Variants in CLASP2 observed in about 807,000 individuals in gnomAD.
The protein encoded by CLASP2 is cytoplasmic linker associated protein 2.
Under a neutral mutation model 194.4 loss-of-function variants are expected in CLASP2, and 47 were observed. That is an observed-to-expected ratio of 0.24 (90% CI 0.19 to 0.31). The LOEUF is 0.31. CLASP2 is among the 10% of genes least tolerant of loss of function. The pLI, the probability that CLASP2 is intolerant of heterozygous loss-of-function variation, is 1.00. For synonymous variants in CLASP2, 619 were observed against 633.5 expected (o/e 0.98, Z 0.34); for missense variants, 1,445 against 1,823.6 (o/e 0.79, Z 3.78).
At chr3:33,525,465 C>A (rs1251424660) in intron 34 of CLASP2, among the ~76,000 whole-genome samples, 1 of 152,008 alleles carries the variant, frequency 6.6e-6, no homozygotes, top group South Asian at 2.1e-4. Flanking sequence ...CCACAGAGAA[C>A]AAAGAAAAGT....
chr3:33,647,149 A>T (rs2082407076), intron 7 of CLASP2, among the ~76,000 whole-genome samples: 1 of 152,202 alleles, frequency 6.6e-6, no homozygotes, highest in African/African-American at 2.4e-5. Flanking sequence ...ACAAAGTCAA[A>T]GGTTTCTAAA....
intron 21 of CLASP2, 117 bp downstream of exon 21, chr3:33,592,274 GTCTT>G (rs2068971793): frequency 1.3e-6 from 1 of 769,576 alleles, no homozygotes; most frequent in Admixed American, 2.0e-5. Context: ...TATGTGGCTT[GTCTT>G]TTTTTAAATT....
intron 13 of CLASP2, among the ~76,000 whole-genome samples, chr3:33,610,728 T>C (rs2074993432): frequency 6.6e-6 from 1 of 152,136 alleles, no homozygotes; most frequent in African/African-American, 2.4e-5. Context: ...AAAACCCCCT[T>C]AGCATGTGTA....
chr3:33,621,459 C>G (rs2077093619), intron 11 of CLASP2, among the ~76,000 whole-genome samples: 1 of 152,106 alleles, frequency 6.6e-6, no homozygotes, highest in South Asian at 2.1e-4. Context: ...AATAATTTAT[C>G]TGTAGATTCT....
At chr3:33,619,794 A>C in intron 11 of CLASP2, 56 bp from the exon 12 acceptor site, 1 of 1,350,068 alleles carries the variant, frequency 7.4e-7, no homozygotes, top group Non-Finnish European at 9.8e-7. Flanking sequence ...TATAGATAGA[A>C]CCATATAATT....
chr3:33,680,345 A>G (rs2089597881), intron 6 of CLASP2, among the ~76,000 whole-genome samples: 1 of 152,206 alleles, frequency 6.6e-6, no homozygotes, highest in Non-Finnish European at 1.5e-5. Context: ...AGTGCAAACT[A>G]TAATCTTTGG....
chr3:33,645,975 C>A lies in CLASP2; in HGVS notation c.716-1072G>T, dbSNP rs190953559. Among the ~76,000 whole-genome samples, 481 of 136,706 alleles carry A rather than the reference C, an allele frequency of 3.5e-3. 3 individuals carry two copies. Among genetic ancestry groups the A allele is most frequent in the African/African-American group, 0.011 (407 of 36,764 alleles). The allele number at this position is 136,706 out of a possible 152,430, so 89.7% of individuals were successfully genotyped here. The stretch of plus-strand genomic sequence containing the variant: ...ACACACACACACACACACACACACA[C>A]AATGTATTTTACTCTCCTGAGAAGA... On this transcript the variant is annotated intron_variant, in intron 7 of 38. Coordinates refer to ENST00000682230, the MANE Select transcript of CLASP2 (RefSeq NM_001365631.1).
At chr3:33,625,670 T>C (rs189417810) in intron 10 of CLASP2, among the ~76,000 whole-genome samples, 16 of 152,048 alleles carry the variant, frequency 1.1e-4, no homozygotes, top group Admixed American at 7.9e-4. Flanking sequence ...AAAATGAAGT[T>C]TGTTTTTTTA....
intron 10 of CLASP2, 74 bp from the exon 11 acceptor site, chr3:33,622,354 T>C (rs1302266843): frequency 3.3e-6 from 4 of 1,199,792 alleles, no homozygotes; most frequent in Non-Finnish European, 4.4e-6. Flanking sequence ...AACTTCATTA[T>C]TCAAACAAAA....
At chr3:33,563,486 C>T (rs550318720) in intron 27 of CLASP2, among the ~76,000 whole-genome samples, 1 of 152,270 alleles carries the variant, frequency 6.6e-6, no homozygotes, top group South Asian at 2.1e-4. Context: ...TCTGTAGTAG[C>T]CTGACTTTAG....
chr3:33,508,232 T>C (rs1173754382), intron 37 of CLASP2, among the ~76,000 whole-genome samples: 2 of 152,174 alleles, frequency 1.3e-5, no homozygotes, highest in Non-Finnish European at 2.9e-5. Flanking sequence ...TTGCCCAGGC[T>C]GGTCTCGAAC....
intron 8 of CLASP2, among the ~76,000 whole-genome samples, chr3:33,638,247 A>G (rs982120380): frequency 1.3e-5 from 2 of 149,694 alleles, no homozygotes; most frequent in African/African-American, 4.9e-5. Flanking sequence ...GTTTTTTAAA[A>G]CTCTCCGTTG....
At chr3:33,614,644 A>G (rs1309939788) in intron 12 of CLASP2, among the ~76,000 whole-genome samples, 1 of 152,114 alleles carries the variant, frequency 6.6e-6, no homozygotes, top group Non-Finnish European at 1.5e-5. Flanking sequence ...TCATTTTTAG[A>G]GGCAACAATA....
chr3:33,541,491 C>T (rs1348264211), intron 32 of CLASP2, among the ~76,000 whole-genome samples: 1 of 152,174 alleles, frequency 6.6e-6, no homozygotes, highest in Non-Finnish European at 1.5e-5. Context: ...CTCCTACCCT[C>T]TGCCCTCTGG....
At chr3:33,669,833 A>T (rs1375961153) in intron 6 of CLASP2, among the ~76,000 whole-genome samples, 1 of 152,200 alleles carries the variant, frequency 6.6e-6, no homozygotes, top group Non-Finnish European at 1.5e-5. Flanking sequence ...TACAAATGGG[A>T]TACAACCACT....
intron 20 of CLASP2, chr3:33,592,763 T>C: frequency 4.5e-6 from 2 of 445,424 alleles, no homozygotes. Flanking sequence ...CAGTTACAAT[T>C]AAGATAATCA....
chr3:33,565,418 C>T (rs1209412269), intron 27 of CLASP2, among the ~76,000 whole-genome samples: 1 of 152,010 alleles, frequency 6.6e-6, no homozygotes, highest in Non-Finnish European at 1.5e-5. Context: ...TGACCTGAGG[C>T]GATCTGCCCA....
intron 34 of CLASP2, among the ~76,000 whole-genome samples, chr3:33,519,905 A>G (rs2154106870): frequency 6.6e-6 from 1 of 152,348 alleles, no homozygotes; most frequent in African/African-American, 2.4e-5. Flanking sequence ...CCTTTACCAA[A>G]TATAAAATAT....
At chr3:33,528,838 G>A (rs1416716187) in intron 34 of CLASP2, among the ~76,000 whole-genome samples, 4 of 152,008 alleles carry the variant, frequency 2.6e-5, no homozygotes, top group Non-Finnish European at 5.9e-5. Context: ...AAGAGAGGTC[G>A]ATAGACAGAT....
Sources: allele counts gnomAD v4.1 joint callset (sites outside exome capture counted in the v4.1 genomes callset), GRCh38; gene constraint gnomAD v4.1.1; transcripts MANE v1.5; gene names NCBI Gene and HGNC (gene_info 2026-07-23, HGNC 2026-07-21).